The following IVD variants were observed in gnomAD, a reference collection of about 807,000 sequenced individuals.
IVD encodes the protein isovaleryl-CoA dehydrogenase.
Under a neutral mutation model 51.3 loss-of-function variants are expected in IVD, and 31 were observed. The ratio of observed to expected loss-of-function variants is 0.60; its 90% CI spans 0.45 to 0.81. IVD has a LOEUF of 0.81. Among genes scored for constraint, IVD ranks in the 40% least tolerant of loss-of-function variants. IVD has a pLI of 0.00. For synonymous variants in IVD, 205 were observed against 219.4 expected, an observed-to-expected ratio of 0.93 and a Z score of 0.58; for missense variants, 475 against 552.0, an observed-to-expected ratio of 0.86 and a Z score of 1.40.
chr15:40,418,709 C>T lies in IVD; in HGVS notation c.*446C>T, dbSNP rs1038674505. On this transcript the variant is annotated 3_prime_UTR_variant, in exon 12 of 12. Coordinates refer to ENST00000487418, the MANE Select transcript of IVD (RefSeq NM_002225.5). ...TGCTCAAGCACAGCAGAATCATGGC[C>T]CCTCTCCATGAATTGGAACTTGGTA... 1.2e-4 allele frequency: 138 copies of T among 1,109,898 alleles called. No homozygotes were observed. The highest frequency in any genetic ancestry group is 1.4e-4 in the Non-Finnish European group (123 of 904,010). The allele number at this position is 1,109,898 out of a possible 1,614,324, so 68.8% of individuals were successfully genotyped here. A position where few individuals can be genotyped will look rare whatever the true frequency, so the allele number is the denominator to read the frequency against.
Position 40,407,064 on chromosome 15 carries a change from T to G in IVD, c.145-572T>G, listed in dbSNP as rs111411980. On this transcript the variant is annotated intron_variant, in intron 1 of 11. Transcript: ENST00000487418. The stretch of plus-strand genomic sequence containing the variant: ...TTTTAGTAGAGACGGAGTTTCTCCA[T>G]GTTGGTCAGGCTGGTCTCAAACTCC... 5.7e-3 allele frequency among the ~76,000 whole-genome samples: 867 copies of G among 152,188 alleles called. 5 individuals carry two copies. Among genetic ancestry groups the G allele is most frequent in the Non-Finnish European group, 1.0e-2 (678 of 67,990 alleles).
downstream of IVD, among the ~76,000 whole-genome samples, chr15:40,425,804 T>G (rs1318353557): frequency 1.3e-5 from 2 of 151,296 alleles, no homozygotes; most frequent in Admixed American, 6.6e-5. Flanking sequence ...CATGCTCAGC[T>G]CTTTTAAATT....
In IVD at chr15:40,411,814, G is replaced by T. The variant is rs73383148; in HGVS notation, c.687+123G>T. On this transcript the variant is annotated intron_variant, in intron 6 of 11. Coordinates refer to ENST00000487418, the MANE Select transcript of IVD (RefSeq NM_002225.5). Reference sequence around the variant, plus strand: ...TGCTCTGCAAGGCCCCCAGAGGTGGGGGTGAGGCAGAGAGCAGACTGCAAG... The same window carrying T: ...TGCTCTGCAAGGCCCCCAGAGGTGGTGGTGAGGCAGAGAGCAGACTGCAAG... 2,866 of 1,216,074 alleles carry T rather than the reference G, an allele frequency of 2.4e-3. 58 individuals carry two copies. The African/African-American group carries it at 0.035, about 15-fold the overall frequency. 75.3% of individuals were successfully genotyped at this position (1,216,074 alleles called of 1,614,324 possible).
chr15:40,424,078 A>G (rs534406408), downstream of IVD: 2 of 1,088,112 alleles, frequency 1.8e-6, no homozygotes, highest in African/African-American at 1.6e-5. Flanking sequence ...CTAGCCTGGT[A>G]TCTCTTAAAT....
chr15:40,431,965 C>CTTT lies in IVD; in HGVS notation c.720-1875_720-1873dup, dbSNP rs34083732. On this transcript the variant is annotated intron_variant, in intron 7 of 8. Coordinates refer to the IVD transcript ENST00000473112. ...ATTGTCAGGCCTCTCATATCTAAGTCTTTTTTTTTTTTTTTTGAGATAGAT... is the reference window on the plus strand; with the variant it reads ...ATTGTCAGGCCTCTCATATCTAAGTCTTTTTTTTTTTTTTTTTTTGAGATAGAT... Among the ~76,000 whole-genome samples, 521 of 138,828 alleles carry CTTT rather than the reference C, an allele frequency of 3.8e-3. 11 individuals carry two copies. Among genetic ancestry groups the CTTT allele is most frequent in the South Asian group, 0.018 (80 of 4,370 alleles). The allele number at this position is 138,828 out of a possible 152,430, so 91.1% of individuals were successfully genotyped here.
chr15:40,418,406 T>G lies in IVD; in HGVS notation c.*143T>G. 6.4e-7 allele frequency: 1 copy of G among 1,567,168 alleles called. No individual in the cohort carries two copies. The highest frequency in any genetic ancestry group is 1.1e-5 in the South Asian group (1 of 87,648). Reference sequence around the variant, plus strand: ...CCTCTGGCCTCTGGATGAGGTTGAGTTCTCCACAACAGCTCCCAAGCATCA... The same window carrying G: ...CCTCTGGCCTCTGGATGAGGTTGAGGTCTCCACAACAGCTCCCAAGCATCA... On this transcript the variant is annotated 3_prime_UTR_variant, in exon 12 of 12. Transcript: ENST00000487418.
intron 7 of IVD, 114 bp from the exon 8 acceptor site, chr15:40,414,775 A>C: frequency 6.6e-7 from 1 of 1,516,810 alleles, no homozygotes; most frequent in Non-Finnish European, 8.9e-7. Flanking sequence ...ATAAAGGTCA[A>C]GTGACATATT....
At chr15:40,417,990 C>CCGG in intron 11 of IVD, 140 bp from the exon 12 acceptor site, 1 of 1,090,788 alleles carries the variant, frequency 9.2e-7, no homozygotes, top group Non-Finnish European at 1.3e-6. Flanking sequence ...TTCCCCACAC[C>CCGG]CCTCCCTCTT....
Position 40,420,268 on chromosome 15 carries a change from G to A in IVD, c.*2005G>A, listed in dbSNP as rs886051135. ...CCACGGGCACCATCCAGTCCTGGCCGTGTGACCACCCACAGCTGACTGGGC... is the reference window on the plus strand; with the variant it reads ...CCACGGGCACCATCCAGTCCTGGCCATGTGACCACCCACAGCTGACTGGGC... On this transcript the variant is annotated 3_prime_UTR_variant, in exon 12 of 12. Coordinates refer to ENST00000487418, the MANE Select transcript of IVD (RefSeq NM_002225.5). 2.5e-5 allele frequency: 25 copies of A among 987,620 alleles called. No homozygotes were observed. The highest frequency in any genetic ancestry group is 3.5e-5 in the African/African-American group (2 of 57,436). The allele number at this position is 987,620 out of a possible 1,614,324, so 61.2% of individuals were successfully genotyped here. A position where few individuals can be genotyped will look rare whatever the true frequency, so the allele number is the denominator to read the frequency against.
chr15:40,420,947 T>A lies in IVD; in HGVS notation c.*2684T>A. On this transcript the variant is annotated 3_prime_UTR_variant, in exon 12 of 12. Transcript: ENST00000487418. ...GTTCTCAGCCCAGCAGCACCTATCCTGGCTCTTGGTCCTGGCCTGCAGCCA... is the reference window on the plus strand; with the variant it reads ...GTTCTCAGCCCAGCAGCACCTATCCAGGCTCTTGGTCCTGGCCTGCAGCCA... The A allele has an allele frequency of 5.1e-6, 5 of 985,544 alleles. No homozygotes were observed. Among genetic ancestry groups the A allele is most frequent in the Non-Finnish European group, 6.0e-6 (5 of 829,992 alleles). The allele number at this position is 985,544 out of a possible 1,614,324, so 61.0% of individuals were successfully genotyped here.
chr15:40,406,304 A>G (rs1566930218), intron 1 of IVD: 8 of 1,394,524 alleles, frequency 5.7e-6, no homozygotes, highest in Non-Finnish European at 6.6e-6. Context: ...TTGTGGCACA[A>G]GGGCCCTCAA....
rs1471581230 is a variant in IVD at position 40,405,959 on chromosome 15, G to T, written c.132G>T (p.Glu44Asp). Residue 44 changes from glutamate to aspartate, a missense_variant, in exon 1 of 12, where the codon GAG becomes GAT. Coordinates refer to ENST00000487418, the MANE Select transcript of IVD (RefSeq NM_002225.5). Reference sequence around the variant, plus strand: ...ACGATGCAATCAATGGGCTAAGCGAGGAGCAGAGGCAGGTGAGGAGACTGA... The same window carrying T: ...ACGATGCAATCAATGGGCTAAGCGATGAGCAGAGGCAGGTGAGGAGACTGA... ...PVDDAINGLS[E>D]EQRQLRQTMA... The T allele has an allele frequency of 6.2e-7, 1 of 1,609,452 alleles. No individual in the cohort carries two copies. The highest frequency in any genetic ancestry group is 1.1e-5 in the South Asian group (1 of 90,692).
intron 7 of IVD, among the ~76,000 whole-genome samples, chr15:40,433,639 A>T (rs1447956462): frequency 6.6e-6 from 1 of 152,028 alleles, no homozygotes; most frequent in East Asian, 1.9e-4. Context: ...AGCAACCCAA[A>T]CCTAGATCAT....
At chr15:40,413,113 C>T (rs1013609066) in intron 7 of IVD, 26 bp downstream of exon 7, 41 of 1,570,150 alleles carry the variant, frequency 2.6e-5, no homozygotes, top group Non-Finnish European at 3.6e-5. Context: ...AATCGGGGAG[C>T]CCCTCTCCTG....
intron 11 of IVD, among the ~76,000 whole-genome samples, chr15:40,417,199 C>T (rs1352070145): frequency 1.6e-5 from 2 of 126,230 alleles, no homozygotes; most frequent in Non-Finnish European, 3.3e-5. Flanking sequence ...AGTGAAACTC[C>T]GTCTCGGAAA....
intron 7 of IVD, among the ~76,000 whole-genome samples, chr15:40,429,518 C>G (rs1258249888): frequency 6.6e-6 from 1 of 152,214 alleles, no homozygotes; most frequent in Non-Finnish European, 1.5e-5. Flanking sequence ...GCCCACCTGT[C>G]TCTGGTTTGC....
chr15:40,435,708 A>G (rs1348411924), downstream of IVD: 6 of 1,017,196 alleles, frequency 5.9e-6, no homozygotes, highest in African/African-American at 8.6e-5. Flanking sequence ...CCTCACCCCT[A>G]TACCACAGCT....
chr15:40,434,061 A>T, intron 8 of IVD: 1 of 367,250 alleles, frequency 2.7e-6, no homozygotes, highest in Non-Finnish European at 5.4e-6. Context: ...GAAAACCTTC[A>T]GGGTTCAGGT....
Position 40,418,192 on chromosome 15 carries a change from G to T in IVD, c.1201G>T (p.Glu401Ter). Residue 401 changes from glutamate to a stop codon, truncating the protein, a stop_gained, in exon 12 of 12, where the codon GAG (glutamate) becomes TAG (stop). Transcript: ENST00000487418. LOFTEE classifies it high-confidence loss of function. The part of the protein sequence containing the change: ...GRFLRDAKLY[E>*]IGAGTSEVRR... ...CTTTCTTCGAGATGCCAAGCTGTAT[G>T]AGATAGGGGCTGGGACCAGCGAGGT... 6.2e-7 allele frequency: 1 copy of T among 1,614,246 alleles called. No individual in the cohort carries two copies. Among genetic ancestry groups the T allele is most frequent in the Non-Finnish European group, 8.5e-7 (1 of 1,180,056 alleles).
Sources: gnomAD v4.1 joint callset for allele counts (sites outside exome capture counted in the v4.1 genomes callset) on GRCh38, gnomAD v4.1.1 for gene constraint, MANE v1.5 for transcripts, NCBI Gene and HGNC (gene_info 2026-07-23, HGNC 2026-07-21) for gene names.